NCKAP5: variants seen among roughly 807,000 people sequenced by gnomAD.
NCKAP5 encodes NCK associated protein 5, also known as nck-associated protein 5.
A neutral mutation model predicts 167.0 loss-of-function variants in NCKAP5; 92 were observed. The observed-to-expected ratio is 0.55, with a 90% confidence interval of 0.47 to 0.66. The LOEUF (loss-of-function observed/expected upper bound fraction) is 0.66, where lower values mean the gene tolerates loss of function less well. Among genes scored for constraint, NCKAP5 ranks in the 30% least tolerant of loss-of-function variants. The pLI, the probability that NCKAP5 is intolerant of heterozygous loss-of-function variation, is 0.00. For synonymous variants in NCKAP5, 891 were observed against 877.4 expected, an observed-to-expected ratio of 1.02 and a Z score of -0.27; for missense variants, 2,378 against 2,315.0, an observed-to-expected ratio of 1.03 and a Z score of -0.56.
At position 132,781,175 on chromosome 2, in the gene NCKAP5, G is replaced by T. The variant is rs1457401929; in HGVS notation, c.4926C>A (p.Cys1642Ter). The T allele has an allele frequency of 6.2e-7, 1 of 1,613,810 alleles. No individual in the cohort carries two copies. Among genetic ancestry groups the T allele is most frequent in the South Asian group, 1.1e-5 (1 of 91,050 alleles). Residue 1642 changes from cysteine (C) to a stop codon, truncating the protein, a stop_gained, in exon 15 of 20, where the codon TGC becomes TGA. Coordinates refer to ENST00000409261, the MANE Select transcript of NCKAP5 (RefSeq NM_207363.3). LOFTEE classifies it high-confidence loss of function. ...GAGAACTGCCCTTTAACACATTCCT[G>T]CAGGAAGCATTACTTGATCCACTTT... ...QTESGSSNAS[C>*]RNVLKGSSQG...
chr2:133,007,880 T>C (rs75045722), intron 6 of NCKAP5, among the ~76,000 whole-genome samples: 2,231 of 152,294 alleles, frequency 0.015, 46 homozygotes, highest in African/African-American at 0.051. Context: ...CACTGCCTCA[T>C]TCAACAGCTG....
chr2:133,505,035 C>G (rs767092884), intron 3 of NCKAP5, among the ~76,000 whole-genome samples: 4 of 152,124 alleles, frequency 2.6e-5, no homozygotes, highest in Non-Finnish European at 4.4e-5. Context: ...AGCATGGTGC[C>G]TGGAGCAAGG....
chr2:132,890,678 A>C (rs549703856), intron 8 of NCKAP5, among the ~76,000 whole-genome samples: 1 of 152,282 alleles, frequency 6.6e-6, no homozygotes, highest in Non-Finnish European at 1.5e-5. Context: ...CCTTCCCTCT[A>C]TGATTATAAT....
intron 6 of NCKAP5, among the ~76,000 whole-genome samples, chr2:133,051,864 CT>C (rs1291183069): frequency 6.6e-6 from 1 of 152,130 alleles, no homozygotes; most frequent in Non-Finnish European, 1.5e-5. Context: ...TAAAAGATAA[CT>C]TATTGATCTG....
chr2:133,050,160 G>A (rs895292510), intron 6 of NCKAP5, among the ~76,000 whole-genome samples: 3 of 152,160 alleles, frequency 2.0e-5, no homozygotes, highest in African/African-American at 7.2e-5. Context: ...TGTAGTCAAA[G>A]TGTAAGCCAC....
At chr2:132,973,499 C>T (rs1448320577) in intron 7 of NCKAP5, among the ~76,000 whole-genome samples, 1 of 152,114 alleles carries the variant, frequency 6.6e-6, no homozygotes, top group Non-Finnish European at 1.5e-5. Context: ...AATGCACAAA[C>T]ATAGACTCAC....
At chr2:133,509,959 C>T (rs1387322128) in intron 3 of NCKAP5, among the ~76,000 whole-genome samples, 2 of 152,140 alleles carry the variant, frequency 1.3e-5, no homozygotes, top group African/African-American at 2.4e-5. Flanking sequence ...GACAGCCTGC[C>T]TTCTTTTCAG....
chr2:133,166,865 G>C (rs181165487), intron 5 of NCKAP5, among the ~76,000 whole-genome samples: 2 of 152,094 alleles, frequency 1.3e-5, no homozygotes, highest in Admixed American at 1.3e-4. Context: ...TTTTCTTTTT[G>C]TAGTCTCTGG....
the NCKAP5 span, among the ~76,000 whole-genome samples, chr2:133,612,640 GCC>G: frequency 6.6e-6 from 1 of 152,102 alleles, no homozygotes; most frequent in Admixed American, 6.6e-5. Context: ...CTTTCTGGGG[GCC>G]TCCATTTCTC....
chr2:132,767,523 C>T (rs371207936), intron 16 of NCKAP5, among the ~76,000 whole-genome samples: 1 of 152,290 alleles, frequency 6.6e-6, no homozygotes. Flanking sequence ...GGATTACAGG[C>T]GTGAGCCACC....
chr2:133,545,825 T>C (rs1253954330), intron 2 of NCKAP5, among the ~76,000 whole-genome samples: 1 of 152,146 alleles, frequency 6.6e-6, no homozygotes, highest in East Asian at 1.9e-4. Flanking sequence ...AGATACATAA[T>C]GGCTTAAGCA....
intron 11 of NCKAP5, among the ~76,000 whole-genome samples, chr2:132,833,987 G>T (rs543769018): frequency 1.9e-3 from 293 of 152,214 alleles, no homozygotes; most frequent in African/African-American, 6.3e-3. Flanking sequence ...TTATCCCTGA[G>T]AATTAGATGA....
chr2:132,721,040 T>C (rs1573986846), intron 19 of NCKAP5, among the ~76,000 whole-genome samples: 1 of 144,942 alleles, frequency 6.9e-6, no homozygotes, highest in Admixed American at 6.9e-5. Context: ...CTGTGCACAG[T>C]AGCTCATGCC....
At chr2:133,447,082 T>C (rs1358162777) in intron 3 of NCKAP5, among the ~76,000 whole-genome samples, 1 of 152,112 alleles carries the variant, frequency 6.6e-6, no homozygotes, top group Non-Finnish European at 1.5e-5. Flanking sequence ...GTGGAAAACA[T>C]GCCAGGAAAT....
chr2:133,283,332 C>T (rs1015797694), intron 4 of NCKAP5, among the ~76,000 whole-genome samples: 1 of 151,964 alleles, frequency 6.6e-6, no homozygotes, highest in African/African-American at 2.4e-5. Context: ...TTCCTTTTGT[C>T]CTTTGTTCAC....
chr2:133,288,658 G>A (rs1310087527), intron 4 of NCKAP5, among the ~76,000 whole-genome samples: 1 of 151,184 alleles, frequency 6.6e-6, no homozygotes, highest in Non-Finnish European at 1.5e-5. Flanking sequence ...AAAATCTTTT[G>A]AAAGTGGTCA....
At chr2:132,950,621 T>A (rs2149142119) in intron 8 of NCKAP5, among the ~76,000 whole-genome samples, 1 of 152,334 alleles carries the variant, frequency 6.6e-6, no homozygotes, top group Middle Eastern at 3.4e-3. Context: ...CTTTCTCTCA[T>A]AAAACTAGAC....
chr2:132,781,358 AG>A, intron 14 of NCKAP5, 129 bp from the exon 15 acceptor site: 1 of 818,610 alleles, frequency 1.2e-6, no homozygotes, highest in Admixed American at 3.3e-5. Context: ...TTGACGGATA[AG>A]GGTTTCTCAT....
intron 8 of NCKAP5, among the ~76,000 whole-genome samples, chr2:132,912,127 G>C (rs1186507630): frequency 6.6e-6 from 1 of 151,904 alleles, no homozygotes; most frequent in Non-Finnish European, 1.5e-5. Context: ...ATGCTGGCCT[G>C]TGGTGACTAT....
Sources: gnomAD v4.1 joint callset for allele counts (sites outside exome capture counted in the v4.1 genomes callset) on GRCh38, gnomAD v4.1.1 for gene constraint, MANE v1.5 for transcripts, NCBI Gene and HGNC (gene_info 2026-07-23, HGNC 2026-07-21) for gene names.